SEMA3C: variants seen among roughly 807,000 people sequenced by gnomAD.
The protein encoded by SEMA3C is semaphorin 3C.
Under a neutral mutation model 89.4 loss-of-function variants are expected in SEMA3C, and 47 were observed. The observed-to-expected ratio is 0.53, with a 90% CI of 0.42 to 0.67. SEMA3C has a LOEUF of 0.67. Among genes scored for constraint, SEMA3C ranks in the 30% least tolerant of loss-of-function variants. The pLI is 0.00. For missense variants in SEMA3C, 839 were observed against 929.1 expected (o/e 0.90, Z 1.26); for synonymous variants, 310 against 320.2 (o/e 0.97, Z 0.34).
chr7:80,779,132 T>C (rs1027628168), intron 12 of SEMA3C, among the ~76,000 whole-genome samples: 1 of 152,206 alleles, frequency 6.6e-6, no homozygotes, highest in African/African-American at 2.4e-5. Context: ...GAGATGGAAC[T>C]GAGCTTGAAT....
chr7:80,752,614 CAAAA>C (rs10660428), intron 15 of SEMA3C, among the ~76,000 whole-genome samples: 1,415 of 111,312 alleles, frequency 0.013, 19 homozygotes, highest in African/African-American at 0.047. Context: ...GACTCCATCT[CAAAA>C]AAAAAAAAAA....
At chr7:80,889,009 G>A (rs919020289) in intron 2 of SEMA3C, among the ~76,000 whole-genome samples, 8 of 151,926 alleles carry the variant, frequency 5.3e-5, no homozygotes, top group Non-Finnish European at 7.4e-5. Context: ...GATTAGAGAC[G>A]TGTGCCACCA....
At chr7:80,883,662 A>G (rs908067762) in intron 2 of SEMA3C, among the ~76,000 whole-genome samples, 5 of 152,200 alleles carry the variant, frequency 3.3e-5, no homozygotes, top group African/African-American at 1.2e-4. Flanking sequence ...TGTTCCTTCC[A>G]TTCTGGACAC....
chr7:80,858,589 A>G lies in SEMA3C; in HGVS notation c.104-29844T>C, dbSNP rs188124438. 2.9e-3 allele frequency among the ~76,000 whole-genome samples: 444 copies of G among 152,318 alleles called. 1 individual carries two copies. Among genetic ancestry groups the G allele is most frequent in the Non-Finnish European group, 3.1e-3 (212 of 68,026 alleles). ...TTTTTAAAGATGAGGAAATTATTAA[A>G]TAAATAATAGGCATTAGTTTTGTGT... is the stretch of plus-strand genomic sequence containing the variant. On this transcript the variant is annotated intron_variant, in intron 2 of 17. Transcript: ENST00000265361.
At chr7:80,857,090 C>T (rs1790660303) in intron 2 of SEMA3C, among the ~76,000 whole-genome samples, 1 of 152,210 alleles carries the variant, frequency 6.6e-6, no homozygotes, top group African/African-American at 2.4e-5. Flanking sequence ...ATTTCATCAC[C>T]AATATCTATT....
chr7:80,818,439 G>A, intron 4 of SEMA3C, 21 bp from the exon 5 acceptor site: 3 of 1,607,058 alleles, frequency 1.9e-6, no homozygotes, highest in East Asian at 2.2e-5. Flanking sequence ...CAGTAAATAA[G>A]CAGTTAGTAA....
At chr7:80,799,646 A>C (rs1431837232) in intron 10 of SEMA3C, among the ~76,000 whole-genome samples, 1 of 151,594 alleles carries the variant, frequency 6.6e-6, no homozygotes, top group African/African-American at 2.4e-5. Flanking sequence ...GTTTGAGACC[A>C]GCCTGACCAA....
At chr7:80,809,258 A>T (rs1022340695) in intron 6 of SEMA3C, among the ~76,000 whole-genome samples, 5 of 152,168 alleles carry the variant, frequency 3.3e-5, no homozygotes, top group Non-Finnish European at 7.3e-5. Flanking sequence ...CTTTATTACC[A>T]TCTCCTTTTT....
intron 12 of SEMA3C, among the ~76,000 whole-genome samples, chr7:80,776,911 G>A (rs906785636): frequency 1.3e-5 from 2 of 151,988 alleles, no homozygotes; most frequent in Non-Finnish European, 2.9e-5. Flanking sequence ...TATTGGACAC[G>A]TGACAAACAT....
At chr7:80,913,541 T>C (rs1409121856) in intron 2 of SEMA3C, among the ~76,000 whole-genome samples, 1 of 152,240 alleles carries the variant, frequency 6.6e-6, no homozygotes, top group Admixed American at 6.5e-5. Flanking sequence ...AATTCAGCCA[T>C]GGGCTGCAAG....
chr7:80,755,488 C>G (rs564977857), intron 15 of SEMA3C, among the ~76,000 whole-genome samples: 10 of 151,010 alleles, frequency 6.6e-5, no homozygotes, highest in African/African-American at 1.2e-4. Context: ...AGAAGGAGTA[C>G]TGATGTCCAG....
intron 4 of SEMA3C, among the ~76,000 whole-genome samples, chr7:80,826,076 A>G (rs1167052428): frequency 6.6e-6 from 1 of 152,176 alleles, no homozygotes; most frequent in African/African-American, 2.4e-5. Flanking sequence ...GCAAGGCCAG[A>G]GATCCTACCC....
intron 2 of SEMA3C, among the ~76,000 whole-genome samples, chr7:80,863,937 TATATA>T (rs1026700865): frequency 6.8e-6 from 1 of 146,788 alleles, no homozygotes; most frequent in Admixed American, 6.9e-5. Context: ...ATATATCACA[TATATA>T]ATATGTATAT....
Position 80,828,663 on chromosome 7 carries a change from A to T in SEMA3C, c.186T>A (p.Asp62Glu). 6.2e-7 allele frequency: 1 copy of T among 1,612,096 alleles called. No homozygotes were observed. The highest frequency in any genetic ancestry group is 8.5e-7 in the Non-Finnish European group (1 of 1,178,530). Reference sequence around the variant, plus strand: ...TGCTTCCCACATATATCCGGTCCTGATCTTCATCCATTAATAAAATCCTGT... The same window carrying T: ...TGCTTCCCACATATATCCGGTCCTGTTCTTCATCCATTAATAAAATCCTGT... Reference protein sequence around the residue: ...LDYRILLMDEDQDRIYVGSKD... With the variant: ...LDYRILLMDEEQDRIYVGSKD... The change falls in exon 3 of 18, where the codon GAT becomes GAA. Residue 62 changes from aspartate to glutamate, a missense_variant. By Grantham distance (45) the Asp-to-Glu change is conservative. Coordinates refer to ENST00000265361, the MANE Select transcript of SEMA3C (RefSeq NM_006379.5).
Position 80,798,173 on chromosome 7 carries a change from A to G in SEMA3C, c.1050T>C (p.Asn350=), listed in dbSNP as rs202178009. The G allele has an allele frequency of 6.2e-5, 99 of 1,607,512 alleles. 1 individual carries two copies. Among genetic ancestry groups the G allele is most frequent in the Non-Finnish European group, 7.2e-5 (85 of 1,177,262 alleles). ...GCCCTTCTTTGTGGGCAAAAGGCCC[A>G]TTAAACACAGTCTGTATATCAGATA... ...YHLSDIQTVF[N]GPFAHKEGPN... The change falls in exon 11 of 18, where the codon AAT becomes AAC. Residue 350 remains asparagine (N), a synonymous_variant. Coordinates refer to ENST00000265361, the MANE Select transcript of SEMA3C (RefSeq NM_006379.5).
chr7:80,814,102 T>A (rs1330282821), intron 5 of SEMA3C, among the ~76,000 whole-genome samples: 9 of 151,390 alleles, frequency 5.9e-5, no homozygotes, highest in African/African-American at 1.5e-4. Context: ...TTTTTTTTTT[T>A]ATTTAAGACA....
chr7:80,795,958 A>G (rs1022551205), intron 11 of SEMA3C, among the ~76,000 whole-genome samples: 5 of 152,188 alleles, frequency 3.3e-5, no homozygotes, highest in Admixed American at 3.3e-4. Flanking sequence ...TCCAGCACAG[A>G]CTGCATGAGG....
At chr7:80,820,428 T>C (rs1789719660) in intron 4 of SEMA3C, among the ~76,000 whole-genome samples, 1 of 152,124 alleles carries the variant, frequency 6.6e-6, no homozygotes, top group Admixed American at 6.6e-5. Flanking sequence ...TAAATGTTGC[T>C]AAAATAGAAG....
chr7:80,875,975 C>T (rs1277521487), intron 2 of SEMA3C, among the ~76,000 whole-genome samples: 1 of 152,126 alleles, frequency 6.6e-6, no homozygotes, highest in East Asian at 1.9e-4. Context: ...TTTGCTGTCA[C>T]ACCTCAAACT....
Sources: allele counts gnomAD v4.1 joint callset (sites outside exome capture counted in the v4.1 genomes callset), GRCh38; gene constraint gnomAD v4.1.1; transcripts MANE v1.5; gene names NCBI Gene and HGNC (gene_info 2026-07-23, HGNC 2026-07-21).